The following RALGPS1 variants were observed in gnomAD, a reference collection of about 807,000 sequenced individuals.
RALGPS1 encodes the protein ras-specific guanine nucleotide-releasing factor RalGPS1.
In RALGPS1, 19 loss-of-function variants were observed where a neutral mutation model predicts 78.8. The observed-to-expected ratio is 0.24, with a 90% CI of 0.17 to 0.35. RALGPS1 has a LOEUF of 0.35. Ranked by LOEUF, RALGPS1 falls within the 10% of genes least tolerant of loss-of-function variation. RALGPS1 has a pLI of 1.00. For missense variants in RALGPS1, 454 were observed against 688.3 expected, an observed-to-expected ratio of 0.66 and a Z score of 3.81; for synonymous variants, 228 against 256.3, an observed-to-expected ratio of 0.89 and a Z score of 1.06.
intron 8 of RALGPS1, among the ~76,000 whole-genome samples, chr9:127,159,223 C>T (rs1199858824): frequency 1.3e-5 from 2 of 152,182 alleles, no homozygotes; most frequent in Non-Finnish European, 2.9e-5. Context: ...ATCCATTGCA[C>T]TCTGGGGGAA....
At chr9:127,030,255 A>G (rs773189463) in intron 4 of RALGPS1, among the ~76,000 whole-genome samples, 2 of 152,162 alleles carry the variant, frequency 1.3e-5, no homozygotes, top group Non-Finnish European at 2.9e-5. Context: ...TGAAGCCACA[A>G]CAGTCAGTAT....
At chr9:127,163,892 A>G (rs1467320004) in intron 8 of RALGPS1, among the ~76,000 whole-genome samples, 2 of 152,202 alleles carry the variant, frequency 1.3e-5, no homozygotes, top group Non-Finnish European at 2.9e-5. Context: ...TAAATTTTTA[A>G]GGCTATAAAT....
intron 4 of RALGPS1, among the ~76,000 whole-genome samples, chr9:127,033,833 G>A (rs1459413509): frequency 1.3e-5 from 2 of 152,100 alleles, no homozygotes; most frequent in Admixed American, 1.3e-4. Context: ...TAAACCTAGT[G>A]GAAAAAAAGA....
chr9:127,135,292 TG>T (rs1184343087), intron 8 of RALGPS1, among the ~76,000 whole-genome samples: 1 of 152,064 alleles, frequency 6.6e-6, no homozygotes, highest in Non-Finnish European at 1.5e-5. Context: ...TGGGAAGAAG[TG>T]GGCTCCACCC....
intron 8 of RALGPS1, among the ~76,000 whole-genome samples, chr9:127,112,681 C>G (rs528580981): frequency 5.1e-4 from 77 of 152,360 alleles, no homozygotes; most frequent in Non-Finnish European, 1.1e-3. Context: ...ACCTTGCACA[C>G]TAGGTGAGCA....
intron 2 of RALGPS1, among the ~76,000 whole-genome samples, chr9:126,963,885 A>G (rs777321543): frequency 5.3e-5 from 8 of 152,196 alleles, no homozygotes; most frequent in Admixed American, 1.3e-4. Flanking sequence ...GAAGGTGGGT[A>G]TAGAAGTATA....
intron 8 of RALGPS1, among the ~76,000 whole-genome samples, chr9:127,077,496 G>T (rs2050778383): frequency 6.6e-6 from 1 of 152,210 alleles, no homozygotes; most frequent in African/African-American, 2.4e-5. Context: ...TCAAGCCAAG[G>T]ATGCGGCAGA....
At chr9:127,154,727 A>T (rs563408566) in intron 8 of RALGPS1, among the ~76,000 whole-genome samples, 63 of 152,320 alleles carry the variant, frequency 4.1e-4, no homozygotes, top group African/African-American at 1.4e-3. Flanking sequence ...TTTTTGTTAT[A>T]CTTAAAGACT....
chr9:127,178,696 C>A, intron 11 of RALGPS1, among the ~76,000 whole-genome samples: 1 of 152,212 alleles, frequency 6.6e-6, no homozygotes, highest in East Asian at 1.9e-4. Context: ...GGCACAACCA[C>A]CCCTCTTTGG....
chr9:126,935,117 G>T (rs1418564786), intron 1 of RALGPS1, among the ~76,000 whole-genome samples: 2 of 152,140 alleles, frequency 1.3e-5, no homozygotes, highest in African/African-American at 4.8e-5. Flanking sequence ...CAGCTCGCGG[G>T]AGCTCTCCTT....
intron 1 of RALGPS1, among the ~76,000 whole-genome samples, chr9:126,955,605 C>A (rs1017721874): frequency 6.6e-5 from 10 of 151,990 alleles, no homozygotes; most frequent in Non-Finnish European, 1.3e-4. Flanking sequence ...TACTACATAA[C>A]AAATTATTTA....
rs371196451 is a variant in RALGPS1 at position 126,965,887 on chromosome 9, A to G, written c.101A>G (p.Tyr34Cys). Residue 34 changes from tyrosine (Y) to cysteine (C), a missense_variant, in exon 3 of 19, where the codon TAT (tyrosine) becomes TGT (cysteine). Physicochemically the swap from Tyr to Cys is radical, Grantham distance 194. Coordinates refer to ENST00000259351, the MANE Select transcript of RALGPS1 (RefSeq NM_014636.3). ...SDSLEGQSCD[Y>C]ASKSYDAVVF... Reference sequence around the variant, plus strand: ...TCTCTGGAGGGCCAGAGCTGCGACTATGCCAGCAAGAGCTATGATGCCGTT... The same window carrying G: ...TCTCTGGAGGGCCAGAGCTGCGACTGTGCCAGCAAGAGCTATGATGCCGTT... The G allele has an allele frequency of 5.6e-5, 90 of 1,614,028 alleles. No individual in the cohort carries two copies. Among genetic ancestry groups the G allele is most frequent in the Non-Finnish European group, 6.4e-5 (75 of 1,179,998 alleles).
chr9:127,197,155 G>A (rs1292963189), intron 13 of RALGPS1, among the ~76,000 whole-genome samples: 6 of 152,218 alleles, frequency 3.9e-5, no homozygotes, highest in Admixed American at 2.0e-4. Flanking sequence ...TCAGCCAGAC[G>A]TGGTGCTTAT....
chr9:127,088,983 T>C (rs370600909), intron 8 of RALGPS1: 4 of 1,613,952 alleles, frequency 2.5e-6, no homozygotes, highest in Non-Finnish European at 3.4e-6. Flanking sequence ...ATCACCACTT[T>C]CTTGAGTGAG....
At chr9:127,044,215 G>A (rs2047557156) in intron 5 of RALGPS1, among the ~76,000 whole-genome samples, 1 of 152,074 alleles carries the variant, frequency 6.6e-6, no homozygotes, top group Non-Finnish European at 1.5e-5. Context: ...CCAAAAAAGG[G>A]AGAATGAGCT....
Position 127,091,726 on chromosome 9 carries a change from G to A in RALGPS1, c.610+22370G>A, listed in dbSNP as rs1450480926. On this transcript the variant is annotated intron_variant, in intron 8 of 18. Coordinates refer to ENST00000259351, the MANE Select transcript of RALGPS1 (RefSeq NM_014636.3). This position sits in a 1 kb window ranked among gnomAD's most constrained non-coding sequence, Gnocchi z 4.3. ...GGTGAACTGCTTGCCGTTGTGCCAT[G>A]TAAAGGAGTCACCCGCATTGCCATG... 1.2e-6 allele frequency: 2 copies of A among 1,614,100 alleles called. No homozygotes were observed. Among genetic ancestry groups the A allele is most frequent in the Non-Finnish European group, 1.7e-6 (2 of 1,180,020 alleles).
At chr9:126,972,401 A>G (rs1470840170) in intron 3 of RALGPS1, among the ~76,000 whole-genome samples, 2 of 152,238 alleles carry the variant, frequency 1.3e-5, no homozygotes, top group Non-Finnish European at 2.9e-5. Flanking sequence ...GATGAGGGAA[A>G]GTGTCTATTA....
chr9:127,197,725 G>A (rs941942633), intron 13 of RALGPS1, among the ~76,000 whole-genome samples: 10 of 152,318 alleles, frequency 6.6e-5, no homozygotes, highest in African/African-American at 2.4e-4. Flanking sequence ...CGATGTGTCC[G>A]GGGTTACGAG....
At chr9:126,930,452 A>T (rs1015637310) in intron 1 of RALGPS1, among the ~76,000 whole-genome samples, 6 of 152,122 alleles carry the variant, frequency 3.9e-5, no homozygotes, top group African/African-American at 1.4e-4. Flanking sequence ...ATTTATTTTT[A>T]ATTTTTTTGA....
Sources: gnomAD v4.1 joint callset for allele counts (sites outside exome capture counted in the v4.1 genomes callset) on GRCh38, gnomAD v4.1.1 for gene constraint, Gnocchi (gnomAD v3.1) non-coding constraint, MANE v1.5 for transcripts, NCBI Gene and HGNC (gene_info 2026-07-23, HGNC 2026-07-21) for gene names.